TBCE: variants seen among roughly 807,000 people sequenced by gnomAD.
TBCE encodes tubulin folding cofactor E.
Under a neutral mutation model 77.0 loss-of-function variants are expected in TBCE, and 53 were observed. The ratio of observed to expected loss-of-function variants is 0.69; its 90% CI spans 0.55 to 0.87. TBCE has a LOEUF of 0.87. Among genes scored for constraint, TBCE ranks in the 40% least tolerant of loss-of-function variants. The pLI, the probability that TBCE is intolerant of heterozygous loss-of-function variation, is 0.00. For missense variants in TBCE, 624 were observed against 622.4 expected (o/e 1.00, Z -0.03); for synonymous variants, 235 against 241.3 (o/e 0.97, Z 0.24).
chr1:235,384,807 C>G lies in TBCE; in HGVS notation c.100+4658C>G, dbSNP rs1304930895. On this transcript the variant is annotated intron_variant, in intron 2 of 16. Transcript: ENST00000642610. ...GATTTTTGAAGGGTTTTTTGTGTCT[C>G]TATTTCCTTCAGTTCTGCTCTGATT... Among the ~76,000 whole-genome samples the G allele has an allele frequency of 7.2e-5, 11 of 152,130 alleles. No individual in the cohort carries two copies. In the East Asian group the frequency reaches 7.7e-4, roughly 11 times the overall value.
intron 1 of TBCE, among the ~76,000 whole-genome samples, chr1:235,379,254 G>T (rs1190201064): frequency 6.6e-6 from 1 of 152,078 alleles, no homozygotes; most frequent in African/African-American, 2.4e-5. Flanking sequence ...TAGGCCGGGC[G>T]CAGTGGCTCA....
intron 15 of TBCE, among the ~76,000 whole-genome samples, chr1:235,447,325 A>G (rs1682424393): frequency 6.6e-6 from 1 of 152,236 alleles, no homozygotes; most frequent in South Asian, 2.1e-4. Context: ...TGATATTTGT[A>G]GGAACACCAC....
intron 7 of TBCE, 86 bp from the exon 8 acceptor site, chr1:235,434,118 C>A: frequency 8.3e-7 from 1 of 1,202,320 alleles, no homozygotes; most frequent in East Asian, 2.3e-5. Flanking sequence ...AGTAACTGAG[C>A]TGAATTCTTG....
At chr1:235,377,620 A>G (rs1677374945) in intron 1 of TBCE, among the ~76,000 whole-genome samples, 2 of 151,832 alleles carry the variant, frequency 1.3e-5, no homozygotes, top group African/African-American at 2.4e-5. Flanking sequence ...CTAATGTAAC[A>G]GACAACTCCA....
In TBCE at chr1:235,448,588, C is replaced by T. The variant is rs142933516; in HGVS notation, c.1492-82C>T. The T allele has an allele frequency of 3.3e-3, 4,516 of 1,378,544 alleles. 12 individuals carry two copies. The highest frequency in any genetic ancestry group is 3.6e-3 in the Non-Finnish European group (3,462 of 965,894). 85.4% of individuals were successfully genotyped at this position (1,378,544 alleles called of 1,614,324 possible). A position where few individuals can be genotyped will look rare whatever the true frequency, so the allele number is the denominator to read the frequency against. On this transcript the variant is annotated intron_variant, in intron 16 of 16. Coordinates refer to ENST00000642610, the MANE Select transcript of TBCE (RefSeq NM_003193.5). ...TTAAGGGTAAGCTACTGCCTGGGGA[C>T]GGGGTGGGGGAAGAGTATGTGTAGC...
rs1680274271 is a variant in TBCE at position 235,419,469 on chromosome 1, G to T, written c.372-4G>T. Reference sequence around the variant, plus strand: ...TATCCATGTGAACTCTGTTTTTCATGCAGTCAGCTGAGCAAGTTGCAAGAA... The same window carrying T: ...TATCCATGTGAACTCTGTTTTTCATTCAGTCAGCTGAGCAAGTTGCAAGAA... On this transcript the variant is annotated splice_region_variant and splice_polypyrimidine_tract_variant and intron_variant, in intron 4 of 16. Coordinates refer to ENST00000642610, the MANE Select transcript of TBCE (RefSeq NM_003193.5). 6.2e-7 allele frequency: 1 copy of T among 1,613,960 alleles called. No homozygotes were observed. The highest frequency in any genetic ancestry group is 1.3e-5 in the African/African-American group (1 of 74,870).
At chr1:235,448,278 C>CATCA in intron 15 of TBCE, 71 bp from the exon 16 acceptor site, 1 of 1,089,702 alleles carries the variant, frequency 9.2e-7, no homozygotes, top group Admixed American at 1.7e-5. Context: ...ACTGTGGTCT[C>CATCA]ATCACATGAG....
At chr1:235,409,056 ATACT>A (rs1321115359) in intron 3 of TBCE, among the ~76,000 whole-genome samples, 3 of 148,218 alleles carry the variant, frequency 2.0e-5, no homozygotes, top group Non-Finnish European at 4.4e-5. Flanking sequence ...GCATGGGGGC[ATACT>A]TACTTAAAAA....
intron 6 of TBCE, 44 bp downstream of exon 6, chr1:235,427,283 A>ATC: frequency 7.1e-7 from 1 of 1,402,008 alleles, no homozygotes; most frequent in Non-Finnish European, 1.0e-6. Flanking sequence ...AATAAAGCTC[A>ATC]TCTCTCCTTG....
intron 5 of TBCE, among the ~76,000 whole-genome samples, chr1:235,422,111 G>A (rs1458961497): frequency 2.0e-5 from 3 of 152,250 alleles, no homozygotes; most frequent in African/African-American, 7.2e-5. Flanking sequence ...CAGCTGGAGT[G>A]AGGGGAATTG....
chr1:235,397,563 AT>A (rs145673798), intron 2 of TBCE, among the ~76,000 whole-genome samples: 1,743 of 152,212 alleles, frequency 0.011, 36 homozygotes, highest in African/African-American at 0.04. Flanking sequence ...TGGATTAATT[AT>A]TTTTAATTCT....
chr1:235,445,410 C>T (rs150612604), intron 15 of TBCE, among the ~76,000 whole-genome samples: 6,490 of 152,284 alleles, frequency 0.043, 211 homozygotes, highest in Non-Finnish European at 0.071. Context: ...GGGCAAATTG[C>T]TTGAGCCCAG....
chr1:235,393,335 G>A (rs1357084548), intron 2 of TBCE, among the ~76,000 whole-genome samples: 2 of 152,156 alleles, frequency 1.3e-5, no homozygotes, highest in Non-Finnish European at 2.9e-5. Flanking sequence ...TCAGGAGATC[G>A]AGACCTTCCT....
intron 6 of TBCE, chr1:235,430,431 T>TCGCCGTATCA: frequency 8.9e-6 from 3 of 335,214 alleles, no homozygotes; most frequent in South Asian, 5.5e-5. Flanking sequence ...GAGTTTTGGG[T>TCGCCGTATCA]TTAGGAAGCC....
chr1:235,432,972 G>T (rs1681193044), intron 7 of TBCE: 1 of 1,481,450 alleles, frequency 6.8e-7, no homozygotes, highest in East Asian at 2.7e-5. Flanking sequence ...GTGGCAGCAG[G>T]CACGGTCTCG....
intron 1 of TBCE, among the ~76,000 whole-genome samples, chr1:235,372,215 GC>G (rs1677014237): frequency 6.6e-6 from 1 of 151,910 alleles, no homozygotes; most frequent in Admixed American, 6.6e-5. Flanking sequence ...ACTCCACCTC[GC>G]CAGGCTAATT....
At position 235,400,219 on chromosome 1, in the gene TBCE, C is replaced by G. The variant is rs144139120; in HGVS notation, c.101-1284C>G. The stretch of plus-strand genomic sequence containing the variant: ...TTTTAACCGATGTTTATTTTAAACC[C>G]GAAGAACTGATATTATTACTTTACA... On this transcript the variant is annotated intron_variant, in intron 2 of 16. Coordinates refer to ENST00000642610, the MANE Select transcript of TBCE (RefSeq NM_003193.5). Among the ~76,000 whole-genome samples, 835 of 151,862 alleles carry G rather than the reference C, an allele frequency of 5.5e-3. 8 individuals carry two copies. The highest frequency in any genetic ancestry group is 0.02 in the African/African-American group (811 of 41,416).
chr1:235,448,626 A>G (rs200912876), intron 16 of TBCE, 44 bp from the exon 17 acceptor site: 6 of 1,534,896 alleles, frequency 3.9e-6, no homozygotes, highest in Non-Finnish European at 4.5e-6. Flanking sequence ...GCTTTATCGG[A>G]TCTGTCTTAA....
At chr1:235,416,584 G>A (rs1034132560) in intron 4 of TBCE, among the ~76,000 whole-genome samples, 3 of 151,752 alleles carry the variant, frequency 2.0e-5, no homozygotes, top group Non-Finnish European at 4.4e-5. Context: ...CTTACCCAAA[G>A]GAAGCATTTT....
Sources: gnomAD v4.1 joint callset for allele counts (sites outside exome capture counted in the v4.1 genomes callset) on GRCh38, gnomAD v4.1.1 for gene constraint, MANE v1.5 for transcripts, NCBI Gene and HGNC (gene_info 2026-07-23, HGNC 2026-07-21) for gene names.